The following UGT1A10 variants were observed in gnomAD, a reference collection of about 807,000 sequenced individuals.
UGT1A10 encodes UDP glucuronosyltransferase family 1 member A10.
Under a neutral mutation model 45.8 loss-of-function variants are expected in UGT1A10, and 49 were observed. The ratio of observed to expected loss-of-function variants is 1.07; its 90% CI spans 0.85 to 1.36. The LOEUF (loss-of-function observed/expected upper bound fraction) is 1.36. Among genes scored for constraint, UGT1A10 ranks in the 40% most tolerant of loss-of-function variants. UGT1A10 has a pLI of 0.00. For missense variants in UGT1A10, 745 were observed against 668.6 expected, an observed-to-expected ratio of 1.11 and a Z score of -1.26; for synonymous variants, 284 against 249.7, an observed-to-expected ratio of 1.14 and a Z score of -1.29.
intron 1 of UGT1A10, among the ~76,000 whole-genome samples, chr2:233,763,949 C>T (rs1698436640): frequency 6.6e-6 from 1 of 152,024 alleles, no homozygotes; most frequent in African/African-American, 2.4e-5. Flanking sequence ...AGCTTGGGAG[C>T]AGGGAAGGTT....
chr2:233,714,506 A>T (rs1575507249), intron 1 of UGT1A10, among the ~76,000 whole-genome samples: 1 of 152,250 alleles, frequency 6.6e-6, no homozygotes, highest in African/African-American at 2.4e-5. Flanking sequence ...CTTAAAAAAA[A>T]TTCTTACTAG....
At position 233,713,658 on chromosome 2, in the gene UGT1A10, C is replaced by A. The variant is rs376312935; in HGVS notation, c.856-53376C>A. 1.7e-5 allele frequency: 27 copies of A among 1,613,822 alleles called. No individual in the cohort carries two copies. Among genetic ancestry groups the A allele is most frequent in the African/African-American group, 2.7e-5 (2 of 74,924 alleles). ...GCTCTACCCTCTGGCCCTGTCCTAC[C>A]TTTGCCATGCTGTTTCTGCTCCTTA... On this transcript the variant is annotated intron_variant, in intron 1 of 4. Coordinates refer to ENST00000344644, the MANE Select transcript of UGT1A10 (RefSeq NM_019075.4).
At chr2:233,688,572 T>C (rs2074901486) in intron 1 of UGT1A10, among the ~76,000 whole-genome samples, 1 of 152,172 alleles carries the variant, frequency 6.6e-6, no homozygotes, top group African/African-American at 2.4e-5. Context: ...CAAACATGAG[T>C]TCATCTTGTT....
At position 233,636,857 on chromosome 2, in the gene UGT1A10, C is replaced by A; in HGVS notation, c.335C>A (p.Ser112Ter). 1 of 1,614,194 alleles carries A rather than the reference C, an allele frequency of 6.2e-7. No homozygotes were observed. Among genetic ancestry groups the A allele is most frequent in the South Asian group, 1.1e-5 (1 of 91,064 alleles). ...AGTATATTTTCTCTATTAATGAGTTCATCCAGTGGTTTTCTTGACTTATTT... is the reference window on the plus strand; with the variant it reads ...AGTATATTTTCTCTATTAATGAGTTAATCCAGTGGTTTTCTTGACTTATTT... ...AQSIFSLLMS[S>*]SSGFLDLFFS... is the part of the protein sequence containing the mutation. The change falls in exon 1 of 5, where the codon TCA becomes TAA. Residue 112 changes from serine (S) to a stop codon, truncating the protein, a stop_gained. Coordinates refer to ENST00000344644, the MANE Select transcript of UGT1A10 (RefSeq NM_019075.4). LOFTEE classifies it high-confidence loss of function.
intron 1 of UGT1A10, chr2:233,681,850 T>C: frequency 6.6e-7 from 1 of 1,519,154 alleles, no homozygotes; most frequent in Non-Finnish European, 8.8e-7. Context: ...CGCCTTCTTT[T>C]GAGGGCAGGT....
intron 1 of UGT1A10, 44 bp downstream of exon 1, chr2:233,637,421 G>C: frequency 1.3e-6 from 2 of 1,545,366 alleles, no homozygotes; most frequent in Non-Finnish European, 1.7e-6. Flanking sequence ...ATCTGGCTTT[G>C]GAAATTAAAA....
In UGT1A10 at chr2:233,772,637, A is replaced by G; in HGVS notation, c.*78A>G. ...AACTTGAAAACAGAATCAGTGTTAA[A>G]TTCATTTTATTCTTATTAAGGAAAT... On this transcript the variant is annotated 3_prime_UTR_variant, in exon 5 of 5. Transcript: ENST00000344644. The G allele has an allele frequency of 1.5e-5, 23 of 1,552,946 alleles. No individual in the cohort carries two copies. Among genetic ancestry groups the G allele is most frequent in the Non-Finnish European group, 2.0e-5 (23 of 1,148,470 alleles).
chr2:233,754,186 C>T (rs1695414743), intron 1 of UGT1A10: 1 of 159,716 alleles, frequency 6.3e-6, no homozygotes, highest in Non-Finnish European at 1.4e-5. Flanking sequence ...ATTTCACCAC[C>T]ACACAGTAAA....
intron 1 of UGT1A10, among the ~76,000 whole-genome samples, chr2:233,698,550 C>A (rs1019972453): frequency 5.3e-5 from 8 of 152,128 alleles, no homozygotes; most frequent in Non-Finnish European, 1.0e-4. Flanking sequence ...GAGTGGCCAA[C>A]AAAACTTTAA....
chr2:233,759,599 A>ACCCCCCCCCCCCCCC (rs1553620419), intron 1 of UGT1A10, among the ~76,000 whole-genome samples: 9 of 108,734 alleles, frequency 8.3e-5, no homozygotes, highest in African/African-American at 2.3e-4. Flanking sequence ...CCCACCCCCG[A>ACCCCCCCCCCCCCCC]CCCGCCCCAC....
intron 1 of UGT1A10, among the ~76,000 whole-genome samples, chr2:233,657,705 G>A (rs1227912963): frequency 6.6e-6 from 1 of 152,060 alleles, no homozygotes; most frequent in Non-Finnish European, 1.5e-5. Flanking sequence ...CTATTCTAAT[G>A]GGTATGTAAA....
At chr2:233,735,180 T>C (rs1028765761) in intron 1 of UGT1A10, among the ~76,000 whole-genome samples, 1 of 148,186 alleles carries the variant, frequency 6.7e-6, no homozygotes, top group Non-Finnish European at 1.5e-5. Flanking sequence ...AGAACTTGCT[T>C]TATGAATCTA....
intron 1 of UGT1A10, among the ~76,000 whole-genome samples, chr2:233,644,065 A>C (rs2073534515): frequency 6.6e-6 from 1 of 152,128 alleles, no homozygotes; most frequent in Admixed American, 6.6e-5. Flanking sequence ...CTAGTGTTTC[A>C]GTATGTCATA....
intron 1 of UGT1A10, chr2:233,750,587 G>A (rs1381403597): frequency 6.6e-6 from 1 of 151,948 alleles, no homozygotes; most frequent in East Asian, 1.9e-4. Flanking sequence ...AGGCCTGGAG[G>A]CCTAGGAAGG....
intron 1 of UGT1A10, chr2:233,672,755 G>T (rs1373777219): frequency 1.9e-6 from 3 of 1,613,770 alleles, no homozygotes; most frequent in Non-Finnish European, 8.5e-7. Context: ...TTCATTGGTG[G>T]TATCAACTGC....
intron 1 of UGT1A10, among the ~76,000 whole-genome samples, chr2:233,637,579 A>G (rs536864837): frequency 5.3e-5 from 8 of 152,340 alleles, no homozygotes; most frequent in Non-Finnish European, 5.9e-5. Context: ...ATATGTAATA[A>G]TTTAAAAATT....
At position 233,773,123 on chromosome 2, in the gene UGT1A10, A is replaced by G. The variant is rs1700567243; in HGVS notation, c.*564A>G. On this transcript the variant is annotated 3_prime_UTR_variant, in exon 5 of 5. Transcript: ENST00000344644. ...GCATATGATTTCTTGCTTTGGGGAA[A>G]AAGAATGATGCTATGAAATTGGTGG... 6.4e-6 allele frequency: 1 copy of G among 155,124 alleles called. No homozygotes were observed. The highest frequency in any genetic ancestry group is 1.4e-5 in the Non-Finnish European group (1 of 69,730). The allele number at this position is 155,124 out of a possible 1,614,324, so 9.6% of individuals were successfully genotyped here. A position where few individuals can be genotyped will look rare whatever the true frequency, so the allele number is the denominator to read the frequency against.
rs574257373 is a variant in UGT1A10 at position 233,696,291 on chromosome 2, A to G, written c.855+58914A>G. Among the ~76,000 whole-genome samples, 4 of 152,342 alleles carry G rather than the reference A, an allele frequency of 2.6e-5. No homozygotes were observed. In the East Asian group the frequency reaches 7.7e-4, roughly 29 times the overall value. On this transcript the variant is annotated intron_variant, in intron 1 of 4. Transcript: ENST00000344644. ...TGGATAAAGAAAACGTAGGACTGTA[A>G]TATCGTGAAATATATATTTGGTCTT... is the stretch of plus-strand genomic sequence containing the variant.
At chr2:233,667,361 C>T (rs981209331) in intron 1 of UGT1A10, among the ~76,000 whole-genome samples, 4 of 152,182 alleles carry the variant, frequency 2.6e-5, no homozygotes, top group African/African-American at 7.2e-5. Flanking sequence ...CCCTTCCTTA[C>T]ACCTTATACA....
Sources: gnomAD v4.1 joint callset for allele counts (sites outside exome capture counted in the v4.1 genomes callset) on GRCh38, gnomAD v4.1.1 for gene constraint, MANE v1.5 for transcripts, NCBI Gene and HGNC (gene_info 2026-07-23, HGNC 2026-07-21) for gene names.